The following ZNF808 variants were observed in gnomAD, a reference collection of about 807,000 sequenced individuals.
ZNF808 encodes the protein zinc finger protein 808.
Under a neutral mutation model 8.7 loss-of-function variants are expected in ZNF808, and 5 were observed. The observed-to-expected ratio is 0.58, with a 90% CI of 0.30 to 1.21. The LOEUF (loss-of-function observed/expected upper bound fraction) is 1.21, where lower values mean the gene tolerates loss of function less well. ZNF808 is among the 50% of genes most tolerant of loss of function. ZNF808 has a pLI of 0.07. For missense variants in ZNF808, 1,103 were observed against 1,098.4 expected (o/e 1.00, Z -0.06); for synonymous variants, 380 against 366.0 (o/e 1.04, Z -0.44).
rs139041452 is a variant in ZNF808, at chr19:52,556,181, C to T, written c.*553C>T. ...AGTGTTTATGTTAAGAGGATGGGGCCAGGTGTGGTGGCTCAGGCCTGTAAT... is the reference window on the plus strand; with the variant it reads ...AGTGTTTATGTTAAGAGGATGGGGCTAGGTGTGGTGGCTCAGGCCTGTAAT... On this transcript the variant is annotated 3_prime_UTR_variant, in exon 5 of 5. Coordinates refer to ENST00000359798, the MANE Select transcript of ZNF808 (RefSeq NM_001039886.4). 199 of 332,046 alleles carry T rather than the reference C, an allele frequency of 6.0e-4. 2 individuals carry two copies. In the East Asian group the frequency reaches 0.017, roughly 28 times the overall value. The allele number at this position is 332,046 out of a possible 1,614,324, so 20.6% of individuals were successfully genotyped here. A position where few individuals can be genotyped will look rare whatever the true frequency, so the allele number is the denominator to read the frequency against.
chr19:52,530,278 C>CT (rs2123056628), intron 1 of ZNF808, among the ~76,000 whole-genome samples: 1 of 152,048 alleles, frequency 6.6e-6, no homozygotes, highest in East Asian at 2.0e-4. Flanking sequence ...CCAGGCTGGT[C>CT]TTTAACTCCC....
At chr19:52,541,748 T>C (rs1369984418) in intron 2 of ZNF808, among the ~76,000 whole-genome samples, 2 of 151,830 alleles carry the variant, frequency 1.3e-5, no homozygotes, top group East Asian at 3.9e-4. Context: ...CCTTGAACCT[T>C]ATCATCTCAC....
chr19:52,528,425 A>G (rs1020740122), intron 1 of ZNF808, among the ~76,000 whole-genome samples: 1 of 152,248 alleles, frequency 6.6e-6, no homozygotes, highest in African/African-American at 2.4e-5. Flanking sequence ...CAGAGAAAGA[A>G]TAAGAAAGGC....
At chr19:52,563,035 A>G (rs752803068) in intron 3 of ZNF808, among the ~76,000 whole-genome samples, 3 of 151,848 alleles carry the variant, frequency 2.0e-5, no homozygotes, top group Non-Finnish European at 2.9e-5. Flanking sequence ...CTGCCCCCCA[A>G]AGTGCTGGGA....
At chr19:52,531,344 G>T (rs541643759) in intron 1 of ZNF808, among the ~76,000 whole-genome samples, 2 of 149,382 alleles carry the variant, frequency 1.3e-5, no homozygotes, top group African/African-American at 4.9e-5. Flanking sequence ...GTGTGGTGGC[G>T]CGTGGCTGTA....
downstream of ZNF808, among the ~76,000 whole-genome samples, chr19:52,560,386 C>T (rs2059852629): frequency 6.6e-6 from 1 of 152,032 alleles, no homozygotes; most frequent in African/African-American, 2.4e-5. Context: ...CAGGCATGAG[C>T]CACTGTGCTT....
chr19:52,544,064 T>C (rs925491909), intron 3 of ZNF808, among the ~76,000 whole-genome samples: 4 of 151,982 alleles, frequency 2.6e-5, no homozygotes, highest in African/African-American at 9.7e-5. Flanking sequence ...GAGGCTGAGG[T>C]AGGAGAATCA....
At position 52,555,185 on chromosome 19, in the gene ZNF808, C is replaced by T. The variant is rs773343325; in HGVS notation, c.2269C>T (p.His757Tyr). 56 of 1,613,994 alleles carry T rather than the reference C, an allele frequency of 3.5e-5. No homozygotes were observed. Among genetic ancestry groups the T allele is most frequent in the Non-Finnish European group, 4.5e-5 (53 of 1,180,016 alleles). Residue 757 changes from histidine (H) to tyrosine (Y), a missense_variant, in exon 5 of 5, where the codon CAT becomes TAT. Physicochemically the swap from His to Tyr is moderately conservative, Grantham distance 83. Transcript: ENST00000359798. Reference sequence around the variant, plus strand: ...AACCCTTCTATGCCATCGTAGACTTCATAGTGGTGAGAAACCTTACAAGTG... The same window carrying T: ...AACCCTTCTATGCCATCGTAGACTTTATAGTGGTGAGAAACCTTACAAGTG... ...KATLLCHRRLHSGEKPYKCND... is the reference protein window; with the variant it reads ...KATLLCHRRLYSGEKPYKCND...
chr19:52,533,932 G>C (rs1373899341), intron 2 of ZNF808, among the ~76,000 whole-genome samples: 2 of 143,906 alleles, frequency 1.4e-5, no homozygotes, highest in Non-Finnish European at 3.0e-5. Flanking sequence ...AACATCAAAT[G>C]ATTCCAATTT....
intron 4 of ZNF808, among the ~76,000 whole-genome samples, chr19:52,549,267 G>A (rs1419490159): frequency 1.3e-5 from 2 of 152,124 alleles, no homozygotes; most frequent in Non-Finnish European, 2.9e-5. Context: ...ATGAGCCACT[G>A]CACTCAGCCT....
intron 2 of ZNF808, among the ~76,000 whole-genome samples, chr19:52,536,309 G>A (rs1048971652): frequency 5.3e-5 from 8 of 152,114 alleles, no homozygotes; most frequent in African/African-American, 1.9e-4. Context: ...AAAACCCTGT[G>A]CTGACTCCAC....
rs376143147 is a variant in ZNF808 at position 52,554,365 on chromosome 19, C to T, written c.1449C>T (p.Tyr483=). The change falls in exon 5 of 5, where the codon TAC becomes TAT. Residue 483 remains tyrosine, a synonymous_variant. Coordinates refer to ENST00000359798, the MANE Select transcript of ZNF808 (RefSeq NM_001039886.4). The part of the protein sequence containing the change: ...HRRIHTGEKT[Y]KCNECRKTFS... Reference sequence around the variant, plus strand: ...GAATTCACACTGGAGAGAAAACTTACAAGTGTAATGAGTGTCGCAAGACCT... The same window carrying T: ...GAATTCACACTGGAGAGAAAACTTATAAGTGTAATGAGTGTCGCAAGACCT... 6.3e-5 allele frequency: 102 copies of T among 1,613,784 alleles called. 1 individual carries two copies. The African/African-American group carries it at 8.7e-4, about 14-fold the overall frequency.
intron 2 of ZNF808, among the ~76,000 whole-genome samples, chr19:52,537,128 G>A (rs2059620323): frequency 6.6e-6 from 1 of 152,148 alleles, no homozygotes; most frequent in Non-Finnish European, 1.5e-5. Context: ...GGAGGTTGCG[G>A]TGAGCCGAGA....
In ZNF808 at chr19:52,554,974, G is replaced by A; in HGVS notation, c.2058G>A (p.Lys686=). ...EKSYKCKVCD[K]AFVCRSYVAK... ...CTTACAAATGTAAGGTTTGTGACAA[G>A]GCTTTCGTGTGTCGTTCCTATGTGG... Residue 686 remains lysine, a synonymous_variant, in exon 5 of 5, where the codon AAG becomes AAA. Coordinates refer to ENST00000359798, the MANE Select transcript of ZNF808 (RefSeq NM_001039886.4). The A allele has an allele frequency of 1.2e-6, 2 of 1,614,126 alleles. No individual in the cohort carries two copies. The highest frequency in any genetic ancestry group is 1.7e-6 in the Non-Finnish European group (2 of 1,180,022).
In ZNF808 at chr19:52,554,235, C is replaced by G. The variant is rs765318232; in HGVS notation, c.1319C>G (p.Ser440Ter). The G allele has an allele frequency of 4.0e-5, 64 of 1,613,572 alleles. No individual in the cohort carries two copies. The highest frequency in any genetic ancestry group is 5.3e-5 in the Non-Finnish European group (63 of 1,179,720). ...TGTGACAAAGTTTTCAGTCAGAAATCAACCCTTGAGAGACATAAGAGAATT... is the reference window on the plus strand; with the variant it reads ...TGTGACAAAGTTTTCAGTCAGAAATGAACCCTTGAGAGACATAAGAGAATT... ...EECDKVFSQK[S>*]TLERHKRIHT... is the part of the protein sequence containing the mutation. Residue 440 changes from serine (S) to a stop codon, truncating the protein, a stop_gained, in exon 5 of 5, where the codon TCA becomes TGA. Transcript: ENST00000359798. LOFTEE classifies it low-confidence loss of function (END_TRUNC).
chr19:52,533,704 A>C (rs2059579997), intron 2 of ZNF808, among the ~76,000 whole-genome samples: 1 of 151,810 alleles, frequency 6.6e-6, no homozygotes, highest in African/African-American at 2.4e-5. Context: ...AAATACGAAG[A>C]AATTAGCCGG....
At chr19:52,541,380 G>A (rs1446754075) in intron 2 of ZNF808, among the ~76,000 whole-genome samples, 4 of 151,948 alleles carry the variant, frequency 2.6e-5, no homozygotes, top group African/African-American at 9.7e-5. Context: ...GACTGGTCTG[G>A]AAATTTTCTA....
chr19:52,552,908 A>G (rs1315387445), intron 4 of ZNF808, among the ~76,000 whole-genome samples, 199 bp from the exon 5 acceptor site: 1 of 152,134 alleles, frequency 6.6e-6, no homozygotes, highest in Non-Finnish European at 1.5e-5. Context: ...TAGGAAATAG[A>G]CTTTCATAGA....
chr19:52,552,843 A>T (rs1374894709), intron 4 of ZNF808, among the ~76,000 whole-genome samples: 2 of 151,656 alleles, frequency 1.3e-5, no homozygotes, highest in Non-Finnish European at 1.5e-5. Context: ...GTGGAAAAAT[A>T]CTCCTTACTT....
Sources: allele counts gnomAD v4.1 joint callset (sites outside exome capture counted in the v4.1 genomes callset), GRCh38; gene constraint gnomAD v4.1.1; transcripts MANE v1.5; gene names NCBI Gene and HGNC (gene_info 2026-07-23, HGNC 2026-07-21).